TENM3: variants seen among roughly 807,000 people sequenced by gnomAD.
TENM3 encodes the protein teneurin transmembrane protein 3.
A neutral mutation model predicts 255.1 loss-of-function variants in TENM3; 63 were observed. The ratio of observed to expected loss-of-function variants is 0.25; its 90% CI spans 0.20 to 0.30. The LOEUF (loss-of-function observed/expected upper bound fraction) is 0.30. Among genes scored for constraint, TENM3 ranks in the 10% least tolerant of loss-of-function variants. TENM3 has a pLI of 1.00. For missense variants in TENM3, 2,929 were observed against 3,461.1 expected (o/e 0.85, Z 3.86); for synonymous variants, 1,306 against 1,322.3 (o/e 0.99, Z 0.27).
the TENM3 span, among the ~76,000 whole-genome samples, chr4:181,891,851 T>C: frequency 6.6e-6 from 1 of 152,134 alleles, no homozygotes; most frequent in Non-Finnish European, 1.5e-5. Context: ...GTGGCCAGTG[T>C]GATAGTATGG....
At chr4:181,810,434 T>G in the TENM3 span, among the ~76,000 whole-genome samples, 1 of 152,184 alleles carries the variant, frequency 6.6e-6, no homozygotes, top group South Asian at 2.1e-4. Flanking sequence ...TTAAAAAATC[T>G]AAAATTATTA....
At chr4:182,065,824 T>C in the TENM3 span, among the ~76,000 whole-genome samples, 2 of 152,226 alleles carry the variant, frequency 1.3e-5, no homozygotes, top group African/African-American at 2.4e-5. Flanking sequence ...CTTAGCCTTT[T>C]TGTCTGAATC....
intron 3 of TENM3, among the ~76,000 whole-genome samples, chr4:182,552,967 G>A (rs1232228509): frequency 3.9e-5 from 6 of 152,150 alleles, no homozygotes; most frequent in East Asian, 1.9e-4. Context: ...ACTAGGGAGC[G>A]AGCCAACACT....
chr4:181,705,934 A>G, the TENM3 span, among the ~76,000 whole-genome samples: 1 of 152,214 alleles, frequency 6.6e-6, no homozygotes, highest in Non-Finnish European at 1.5e-5. Flanking sequence ...AGCCTGGGCA[A>G]CAAGAGCAAA....
At chr4:182,571,722 A>T (rs1744395129) in intron 3 of TENM3, among the ~76,000 whole-genome samples, 1 of 152,242 alleles carries the variant, frequency 6.6e-6, no homozygotes, top group Non-Finnish European at 1.5e-5. Context: ...TTCCACAGAA[A>T]AATAATTATA....
At chr4:181,596,089 G>C in the TENM3 span, among the ~76,000 whole-genome samples, 1 of 152,122 alleles carries the variant, frequency 6.6e-6, no homozygotes, top group Non-Finnish European at 1.5e-5. Flanking sequence ...ATCATTCATA[G>C]ATCCACAACA....
the TENM3 span, among the ~76,000 whole-genome samples, chr4:181,869,357 A>T: frequency 1.3e-5 from 2 of 152,188 alleles, no homozygotes; most frequent in African/African-American, 2.4e-5. Flanking sequence ...TATGTAAATC[A>T]TGTATGCAAG....
the TENM3 span, among the ~76,000 whole-genome samples, chr4:181,800,920 C>T: frequency 3.3e-5 from 5 of 152,166 alleles, no homozygotes; most frequent in Admixed American, 6.5e-5. Flanking sequence ...ATTTCCAGAA[C>T]GGGGCAACTC....
chr4:182,284,832 A>G (rs1198072282), intron 1 of TENM3, among the ~76,000 whole-genome samples: 2 of 152,186 alleles, frequency 1.3e-5, no homozygotes, highest in African/African-American at 4.8e-5. Context: ...GGAGAGAGAC[A>G]GGGCTGTTTT....
chr4:181,884,653 G>A, the TENM3 span, among the ~76,000 whole-genome samples: 4 of 152,050 alleles, frequency 2.6e-5, no homozygotes, highest in Non-Finnish European at 4.4e-5. Context: ...TCGATGGCTG[G>A]ATAATATTCA....
chr4:181,902,983 T>C, the TENM3 span, among the ~76,000 whole-genome samples: 10,766 of 152,236 alleles, frequency 0.071, 570 homozygotes, highest in African/African-American at 0.15. Context: ...TTCAGCATCA[T>C]CTGTATGAAT....
intron 1 of TENM3, among the ~76,000 whole-genome samples, chr4:182,212,877 C>T (rs540054433): frequency 1.3e-5 from 2 of 152,286 alleles, no homozygotes; most frequent in South Asian, 2.1e-4. Flanking sequence ...AGAGGTACAA[C>T]GCAAGGCAGA....
At chr4:181,820,651 C>T in the TENM3 span, among the ~76,000 whole-genome samples, 1 of 152,140 alleles carries the variant, frequency 6.6e-6, no homozygotes, top group Admixed American at 6.5e-5. Flanking sequence ...AGCGAAAGCA[C>T]CACCGCTGTA....
At chr4:181,910,083 C>T in the TENM3 span, among the ~76,000 whole-genome samples, 1 of 152,062 alleles carries the variant, frequency 6.6e-6, no homozygotes, top group Non-Finnish European at 1.5e-5. Context: ...ACATGTGTAA[C>T]ATAAAGTAAT....
the TENM3 span, among the ~76,000 whole-genome samples, chr4:181,908,317 G>C: frequency 6.6e-6 from 1 of 152,242 alleles, no homozygotes; most frequent in Non-Finnish European, 1.5e-5. Flanking sequence ...CCTCAGTCTG[G>C]CAGCTGAAGG....
At chr4:182,313,443 A>G (rs1168277391) in intron 1 of TENM3, among the ~76,000 whole-genome samples, 5 of 152,032 alleles carry the variant, frequency 3.3e-5, no homozygotes, top group African/African-American at 9.7e-5. Context: ...CTTTATCAAC[A>G]TGAAAATGTT....
At chr4:182,394,243 A>G (rs1264387085) in intron 3 of TENM3, among the ~76,000 whole-genome samples, 9 of 152,134 alleles carry the variant, frequency 5.9e-5, no homozygotes, top group Non-Finnish European at 1.0e-4. Context: ...TAGGGAAGAA[A>G]TCTGAGAATT....
At chr4:182,597,724 T>A (rs1172115166) in intron 3 of TENM3, among the ~76,000 whole-genome samples, 1 of 152,232 alleles carries the variant, frequency 6.6e-6, no homozygotes, top group Non-Finnish European at 1.5e-5. Context: ...GTACTTTATC[T>A]TGTTACACTT....
chr4:182,147,126 T>C (rs1750024062), intron 1 of TENM3, among the ~76,000 whole-genome samples: 1 of 152,224 alleles, frequency 6.6e-6, no homozygotes, highest in Admixed American at 6.5e-5. Context: ...CAAGCTACTC[T>C]TTCTTAGCTT....
Sources: allele counts gnomAD v4.1 joint callset (sites outside exome capture counted in the v4.1 genomes callset), GRCh38; gene constraint gnomAD v4.1.1; transcripts MANE v1.5; gene names NCBI Gene and HGNC (gene_info 2026-07-23, HGNC 2026-07-21).